The following GRID1 variants were observed in gnomAD, a reference collection of about 807,000 sequenced individuals.
GRID1 encodes glutamate receptor ionotropic, delta-1.
Under a neutral mutation model 98.0 loss-of-function variants are expected in GRID1, and 28 were observed. The ratio of observed to expected loss-of-function variants is 0.29; its 90% CI spans 0.21 to 0.39. The LOEUF (loss-of-function observed/expected upper bound fraction) is 0.39, where lower values mean the gene tolerates loss of function less well. Among genes scored for constraint, GRID1 ranks in the 10% least tolerant of loss-of-function variants. GRID1 has a pLI of 1.00. For synonymous variants in GRID1, 553 were observed against 538.5 expected, an observed-to-expected ratio of 1.03 and a Z score of -0.37; for missense variants, 1,111 against 1,340.5, an observed-to-expected ratio of 0.83 and a Z score of 2.67.
At chr10:86,146,932 C>A (rs1218326634) in intron 3 of GRID1, among the ~76,000 whole-genome samples, 1 of 152,182 alleles carries the variant, frequency 6.6e-6, no homozygotes, top group Non-Finnish European at 1.5e-5. Context: ...CAGCGGGGCA[C>A]CAAGCAGGCC....
At chr10:86,210,514 C>T (rs1193408409) in intron 2 of GRID1, among the ~76,000 whole-genome samples, 2 of 152,228 alleles carry the variant, frequency 1.3e-5, no homozygotes, top group Non-Finnish European at 2.9e-5. Context: ...CAGCCTCCTG[C>T]CCCTTCCTTG....
At chr10:85,875,158 G>A (rs191422407) in intron 5 of GRID1, among the ~76,000 whole-genome samples, 49 of 152,268 alleles carry the variant, frequency 3.2e-4, no homozygotes, top group African/African-American at 1.2e-3. Flanking sequence ...GATTACAGGT[G>A]TCAGCTATCG....
intron 12 of GRID1, among the ~76,000 whole-genome samples, chr10:85,694,029 T>C (rs1311138853): frequency 6.6e-6 from 1 of 152,132 alleles, no homozygotes; most frequent in African/African-American, 2.4e-5. Flanking sequence ...AAAACATGCA[T>C]TCAATAGGAG....
At chr10:85,901,341 G>A (rs945391881) in intron 5 of GRID1, among the ~76,000 whole-genome samples, 1 of 151,954 alleles carries the variant, frequency 6.6e-6, no homozygotes, top group Non-Finnish European at 1.5e-5. Context: ...CTGCCTCATG[G>A]GTTCACGCCA....
chr10:85,609,982 A>T (rs1345258074), intron 15 of GRID1, among the ~76,000 whole-genome samples: 1 of 152,202 alleles, frequency 6.6e-6, no homozygotes, highest in Admixed American at 6.5e-5. Context: ...ATGAATATTA[A>T]GGGGTTGAAA....
At chr10:85,802,512 A>T (rs1287119721) in intron 8 of GRID1, among the ~76,000 whole-genome samples, 1 of 152,032 alleles carries the variant, frequency 6.6e-6, no homozygotes, top group African/African-American at 2.4e-5. Context: ...CTGTGGTAAA[A>T]TGCTTATTCG....
intron 2 of GRID1, among the ~76,000 whole-genome samples, chr10:86,275,917 C>T (rs1318450568): frequency 6.6e-6 from 1 of 152,126 alleles, no homozygotes; most frequent in Non-Finnish European, 1.5e-5. Flanking sequence ...AAATTAAAAT[C>T]CAAAGAGTTC....
rs73336583 is a variant in GRID1, at chr10:85,850,044, T to C, written c.1233+4452A>G. 6.5e-3 allele frequency among the ~76,000 whole-genome samples: 994 copies of C among 152,246 alleles called. 12 individuals are homozygous for C. Among genetic ancestry groups the C allele is most frequent in the African/African-American group, 0.022 (933 of 41,542 alleles). ...GCCACAGGCTGCCCAGATGCTCCTG[T>C]CTACCTCCCCCACCCTCCTGCCCAA... On this transcript the variant is annotated intron_variant, in intron 8 of 15. Coordinates refer to ENST00000327946, the MANE Select transcript of GRID1 (RefSeq NM_017551.3).
chr10:86,362,094 C>G (rs1848607638), intron 2 of GRID1, among the ~76,000 whole-genome samples: 1 of 152,198 alleles, frequency 6.6e-6, no homozygotes, highest in African/African-American at 2.4e-5. Flanking sequence ...GGGTCCCCAC[C>G]ACACTGTGAG....
At chr10:86,182,326 G>C (rs897023918) in intron 3 of GRID1, among the ~76,000 whole-genome samples, 4 of 152,226 alleles carry the variant, frequency 2.6e-5, no homozygotes, top group Admixed American at 1.3e-4. Context: ...GGCATCAGTG[G>C]GGGAGCCTCC....
chr10:86,098,486 T>C (rs1844252237), intron 4 of GRID1, among the ~76,000 whole-genome samples: 1 of 152,226 alleles, frequency 6.6e-6, no homozygotes, highest in Admixed American at 6.5e-5. Context: ...CATTTTTTAT[T>C]CAGCTGTTTT....
At chr10:86,330,891 G>T (rs1292612543) in intron 2 of GRID1, among the ~76,000 whole-genome samples, 1 of 152,226 alleles carries the variant, frequency 6.6e-6, no homozygotes, top group Non-Finnish European at 1.5e-5. Flanking sequence ...CCTTGCAGGA[G>T]CTTAGCCTCA....
intron 6 of GRID1, among the ~76,000 whole-genome samples, chr10:85,858,175 T>C (rs544736548): frequency 9.2e-5 from 14 of 152,326 alleles, no homozygotes; most frequent in East Asian, 1.9e-4. Context: ...GCTCTGACCA[T>C]TGTGGGCTGT....
intron 8 of GRID1, among the ~76,000 whole-genome samples, chr10:85,765,508 C>CTA (rs1388755724): frequency 6.6e-6 from 1 of 152,182 alleles, no homozygotes; most frequent in African/African-American, 2.4e-5. Context: ...ATGGAAAATT[C>CTA]TATACCTGAC....
intron 12 of GRID1, among the ~76,000 whole-genome samples, chr10:85,649,206 C>A (rs562052835): frequency 6.6e-6 from 1 of 152,184 alleles, no homozygotes; most frequent in Non-Finnish European, 1.5e-5. Context: ...GCAGCCTCCC[C>A]GGCCAGCACA....
intron 3 of GRID1, among the ~76,000 whole-genome samples, chr10:86,140,281 G>A (rs954645891): frequency 1.3e-5 from 2 of 152,218 alleles, no homozygotes; most frequent in Non-Finnish European, 2.9e-5. Flanking sequence ...AAGCTGCACT[G>A]TCCCCATGCC....
chr10:86,100,286 G>A (rs1423582862), intron 4 of GRID1, among the ~76,000 whole-genome samples: 1 of 152,144 alleles, frequency 6.6e-6, no homozygotes. Flanking sequence ...AGCACTTCTT[G>A]TGTGCAGGAC....
intron 5 of GRID1, among the ~76,000 whole-genome samples, chr10:85,907,667 A>C (rs920882466): frequency 4.6e-5 from 7 of 152,182 alleles, no homozygotes; most frequent in Non-Finnish European, 1.0e-4. Flanking sequence ...TTCCCAACTT[A>C]CTTTTGAGGC....
intron 4 of GRID1, among the ~76,000 whole-genome samples, chr10:85,935,801 G>C (rs1037932330): frequency 6.6e-6 from 1 of 152,180 alleles, no homozygotes. Flanking sequence ...TCTTTCACTT[G>C]TCCAAGGTAA....
Sources: allele counts gnomAD v4.1 joint callset (sites outside exome capture counted in the v4.1 genomes callset), GRCh38; gene constraint gnomAD v4.1.1; transcripts MANE v1.5; gene names NCBI Gene and HGNC (gene_info 2026-07-23, HGNC 2026-07-21).